Variants in GRXCR1 observed in about 807,000 individuals in gnomAD.
The protein encoded by GRXCR1 is glutaredoxin and cysteine rich domain containing 1.
In GRXCR1, 27 loss-of-function variants were observed where a neutral mutation model predicts 27.3. The observed-to-expected ratio is 0.99, with a 90% CI of 0.73 to 1.37. The LOEUF is 1.37. GRXCR1 is among the 40% of genes most tolerant of loss of function. GRXCR1 has a pLI of 0.00. For missense variants in GRXCR1, 379 were observed against 354.4 expected, an observed-to-expected ratio of 1.07 and a Z score of -0.56; for synonymous variants, 122 against 131.1, an observed-to-expected ratio of 0.93 and a Z score of 0.47.
chr4:42,992,793 T>G (rs890032661), intron 2 of GRXCR1, among the ~76,000 whole-genome samples: 25 of 152,262 alleles, frequency 1.6e-4, no homozygotes, highest in Middle Eastern at 3.4e-3. Flanking sequence ...TTTGGTATGA[T>G]GTATTTAAAT....
intron 1 of GRXCR1, among the ~76,000 whole-genome samples, chr4:42,932,617 T>TATATATAC: frequency 6.9e-5 from 2 of 29,136 alleles, no homozygotes; most frequent in East Asian, 1.1e-3. Flanking sequence ...TATATATATA[T>TATATATAC]ATAGAGAGAG....
intron 2 of GRXCR1, among the ~76,000 whole-genome samples, chr4:42,974,042 C>T (rs1329608350): frequency 1.3e-5 from 2 of 152,086 alleles, no homozygotes; most frequent in Admixed American, 1.3e-4. Context: ...TTCATATGGC[C>T]ACTGCACAGA....
At chr4:43,022,063 G>A (rs1289264534) in intron 3 of GRXCR1, among the ~76,000 whole-genome samples, 1 of 152,006 alleles carries the variant, frequency 6.6e-6, no homozygotes, top group African/African-American at 2.4e-5. Flanking sequence ...ATTTCTTTCT[G>A]TTCTCATATA....
chr4:42,903,121 C>T (rs1301361950), intron 1 of GRXCR1, among the ~76,000 whole-genome samples: 1 of 152,080 alleles, frequency 6.6e-6, no homozygotes, highest in East Asian at 1.9e-4. Context: ...AGATTTGCCT[C>T]TCTCAGTGCC....
intron 2 of GRXCR1, among the ~76,000 whole-genome samples, chr4:43,017,342 G>T (rs1256015273): frequency 6.6e-6 from 1 of 152,098 alleles, no homozygotes; most frequent in Admixed American, 6.6e-5. Context: ...AGCTTGCAGG[G>T]TGCAATGGAA....
intron 1 of GRXCR1, among the ~76,000 whole-genome samples, chr4:42,897,460 A>G (rs368974946): frequency 1.3e-5 from 2 of 152,248 alleles, no homozygotes; most frequent in East Asian, 1.9e-4. Context: ...AACACATACT[A>G]TAATTTGGCA....
At chr4:43,017,061 G>C (rs940058778) in intron 2 of GRXCR1, among the ~76,000 whole-genome samples, 6 of 152,184 alleles carry the variant, frequency 3.9e-5, no homozygotes, top group African/African-American at 1.2e-4. Flanking sequence ...AGGGTAATGA[G>C]ATAGATTCTT....
chr4:42,931,251 G>C (rs774303543), intron 1 of GRXCR1, among the ~76,000 whole-genome samples: 14 of 152,000 alleles, frequency 9.2e-5, no homozygotes, highest in Non-Finnish European at 7.4e-5. Context: ...CAGTCAGTAA[G>C]TAAAGTTTGC....
chr4:43,018,573 G>A (rs1451965000), intron 2 of GRXCR1, among the ~76,000 whole-genome samples: 3 of 152,104 alleles, frequency 2.0e-5, no homozygotes, highest in Non-Finnish European at 4.4e-5. Flanking sequence ...AACTGACTAA[G>A]ACACAATGCT....
At chr4:42,959,229 T>C (rs895211125) in intron 1 of GRXCR1, among the ~76,000 whole-genome samples, 1 of 151,966 alleles carries the variant, frequency 6.6e-6, no homozygotes, top group Non-Finnish European at 1.5e-5. Flanking sequence ...AAACAATGAA[T>C]ACGATTCAGC....
chr4:42,986,065 T>C (rs894961295), intron 2 of GRXCR1, among the ~76,000 whole-genome samples: 1 of 152,224 alleles, frequency 6.6e-6, no homozygotes, highest in Non-Finnish European at 1.5e-5. Flanking sequence ...GGCTTCCTTA[T>C]GCTCAGGTAG....
intron 1 of GRXCR1, among the ~76,000 whole-genome samples, chr4:42,899,809 C>G (rs1746424063): frequency 6.6e-6 from 1 of 152,150 alleles, no homozygotes; most frequent in Admixed American, 6.6e-5. Flanking sequence ...CCTGGTTCAT[C>G]AGAATCTTTG....
rs142135575 is a variant in GRXCR1 at position 42,930,788 on chromosome 4, G to A, written c.385-32104G>A. Among the ~76,000 whole-genome samples, 842 of 152,056 alleles carry A rather than the reference G, an allele frequency of 5.5e-3. 10 individuals carry two copies. The highest frequency in any genetic ancestry group is 0.019 in the African/African-American group (796 of 41,520). On this transcript the variant is annotated intron_variant, in intron 1 of 3. Transcript: ENST00000399770. ...CAGATAATACATGTGTAAGGTCCTAGCATAGTCCCTGGCACATAGAAAAGC... is the reference window on the plus strand; with the variant it reads ...CAGATAATACATGTGTAAGGTCCTAACATAGTCCCTGGCACATAGAAAAGC...
At chr4:42,945,974 A>C (rs769166320) in intron 1 of GRXCR1, among the ~76,000 whole-genome samples, 40 of 152,194 alleles carry the variant, frequency 2.6e-4, no homozygotes, top group Non-Finnish European at 4.6e-4. Context: ...AAATGACAAG[A>C]TAAGGGCAAG....
At chr4:42,954,407 G>A (rs1199099135) in intron 1 of GRXCR1, among the ~76,000 whole-genome samples, 1 of 152,074 alleles carries the variant, frequency 6.6e-6, no homozygotes, top group African/African-American at 2.4e-5. Context: ...ATTTAAGAAG[G>A]TTATATAACA....
At chr4:42,914,826 C>T (rs1339791813) in intron 1 of GRXCR1, among the ~76,000 whole-genome samples, 1 of 152,086 alleles carries the variant, frequency 6.6e-6, no homozygotes, top group Non-Finnish European at 1.5e-5. Context: ...ATAATTGAAT[C>T]ATGGGGGCAG....
intron 1 of GRXCR1, among the ~76,000 whole-genome samples, chr4:42,911,864 TA>T (rs1746728421): frequency 6.6e-6 from 1 of 152,112 alleles, no homozygotes; most frequent in African/African-American, 2.4e-5. Context: ...TAACTTACAT[TA>T]AAAATGGGGA....
intron 2 of GRXCR1, among the ~76,000 whole-genome samples, chr4:43,015,004 C>T (rs1560688810): frequency 6.6e-6 from 1 of 152,016 alleles, no homozygotes; most frequent in Non-Finnish European, 1.5e-5. Flanking sequence ...CTTTATTGAG[C>T]AGGTGACATT....
intron 1 of GRXCR1, among the ~76,000 whole-genome samples, chr4:42,905,064 G>A (rs187309870): frequency 4.6e-5 from 7 of 152,294 alleles, no homozygotes; most frequent in Admixed American, 3.9e-4. Flanking sequence ...CTTAGCTGCT[G>A]CCTCCAAACT....
Sources: allele counts gnomAD v4.1 joint callset (sites outside exome capture counted in the v4.1 genomes callset), GRCh38; gene constraint gnomAD v4.1.1; transcripts MANE v1.5; gene names NCBI Gene and HGNC (gene_info 2026-07-23, HGNC 2026-07-21).